Variants in OTUD4 observed in about 807,000 individuals in gnomAD.
The protein encoded by OTUD4 is OTU deubiquitinase 4, also known as OTU domain-containing protein 4.
Under a neutral mutation model 130.4 loss-of-function variants are expected in OTUD4, and 24 were observed. That is an observed-to-expected ratio of 0.18 (90% CI 0.13 to 0.26). OTUD4 has a LOEUF of 0.26. Ranked by LOEUF, OTUD4 falls within the 10% of genes least tolerant of loss-of-function variation. The pLI, the probability that OTUD4 is intolerant of heterozygous loss-of-function variation, is 1.00. For missense variants in OTUD4, 1,031 were observed against 1,329.4 expected, an observed-to-expected ratio of 0.78 and a Z score of 3.49; for synonymous variants, 420 against 472.5, an observed-to-expected ratio of 0.89 and a Z score of 1.44.
intron 11 of OTUD4, 77 bp downstream of exon 11, chr4:145,152,464 G>T: frequency 1.3e-6 from 1 of 790,924 alleles, no homozygotes; most frequent in South Asian, 1.6e-5. Context: ...TGCAAATACT[G>T]AAGGCCATTT....
chr4:145,155,375 A>G (rs1751236018), intron 10 of OTUD4, 36 bp downstream of exon 10: 1 of 1,553,550 alleles, frequency 6.4e-7, no homozygotes, highest in Non-Finnish European at 8.8e-7. Context: ...CAAAGTTTCA[A>G]GTAAAATCTC....
At chr4:145,166,615 G>A (rs543846537) in intron 3 of OTUD4, among the ~76,000 whole-genome samples, 3 of 152,248 alleles carry the variant, frequency 2.0e-5, no homozygotes, top group African/African-American at 7.2e-5. Context: ...GCCGAGACAG[G>A]CAGATCACGA....
Position 145,150,803 on chromosome 4 carries a change from A to G in OTUD4, c.1071T>C (p.Ser357=). The part of the protein sequence containing the change: ...KPSTSGQNFH[S]DVDYRGPKNP... Reference sequence around the variant, plus strand: ...AATGATAGCTTGATGTGCTCCTACCAGAATGGAAATTTTGTCCAGAAGTGG... The same window carrying G: ...AATGATAGCTTGATGTGCTCCTACCGGAATGGAAATTTTGTCCAGAAGTGG... The change falls in exon 12 of 21, where the codon TCT becomes TCC. Residue 357 remains serine (S), a splice_region_variant and synonymous_variant. Coordinates refer to ENST00000447906, the MANE Select transcript of OTUD4 (RefSeq NM_001366057.1). The G allele has an allele frequency of 1.2e-6, 2 of 1,613,084 alleles. No individual in the cohort carries two copies. The highest frequency in any genetic ancestry group is 1.1e-5 in the South Asian group (1 of 91,026).
At chr4:145,142,440 A>G (rs752069719) in intron 17 of OTUD4, 106 bp from the exon 18 acceptor site, 10 of 919,076 alleles carry the variant, frequency 1.1e-5, no homozygotes, top group Non-Finnish European at 1.7e-5. Context: ...TGCCTTTTAT[A>G]CAAATGAAGT....
At position 145,180,529 on chromosome 4, in the gene OTUD4, G is replaced by A. The variant is rs1049767654; in HGVS notation, c.-556C>T. ...GGAGCGGGTGGGGGCGCCCGGGAGAGAACAGCACCTCGCAGCCCAGAATTT... is the reference window on the plus strand; with the variant it reads ...GGAGCGGGTGGGGGCGCCCGGGAGAAAACAGCACCTCGCAGCCCAGAATTT... On this transcript the variant is annotated 5_prime_UTR_variant, in exon 1 of 21. Coordinates refer to ENST00000447906, the MANE Select transcript of OTUD4 (RefSeq NM_001366057.1). Among the ~76,000 whole-genome samples, 10 of 152,240 alleles carry A rather than the reference G, an allele frequency of 6.6e-5. No homozygotes were observed. The South Asian group carries it at 1.4e-3, about 22-fold the overall frequency.
intron 8 of OTUD4, 101 bp downstream of exon 8, chr4:145,155,835 T>C (rs1751256668): frequency 9.4e-7 from 1 of 1,062,680 alleles, no homozygotes; most frequent in Admixed American, 2.5e-5. Flanking sequence ...TGATCCTGAC[T>C]TGACTGAAAT....
At chr4:145,171,220 A>C (rs987477613) in intron 3 of OTUD4, 3 of 155,468 alleles carry the variant, frequency 1.9e-5, no homozygotes, top group Non-Finnish European at 4.2e-5. Context: ...GTAGTCCCAG[A>C]TACTCGGGAG....
rs764916675 is a variant in OTUD4 at position 145,155,913 on chromosome 4, AAAACCACT to A, written c.690+15_690+22del. On this transcript the variant is annotated intron_variant, in intron 8 of 20. Coordinates refer to ENST00000447906, the MANE Select transcript of OTUD4 (RefSeq NM_001366057.1). ...TTTCTTATATTAAAGAACTACATTT[AAAACCACT>A]TTTAAAAAAAATACCTCATTGCCTG... 6.3e-7 allele frequency: 1 copy of A among 1,575,870 alleles called. No homozygotes were observed. Among genetic ancestry groups the A allele is most frequent in the Admixed American group, 1.8e-5 (1 of 54,342 alleles).
intron 10 of OTUD4, among the ~76,000 whole-genome samples, chr4:145,154,851 G>T (rs1424927697): frequency 6.6e-6 from 1 of 151,740 alleles, no homozygotes; most frequent in Admixed American, 6.6e-5. Context: ...GGTGGGGGGC[G>T]GGGGGCAGAG....
chr4:145,136,645 C>T lies in OTUD4; in HGVS notation c.*785G>A, dbSNP rs1390346245. 2 of 152,238 alleles carry T rather than the reference C, an allele frequency of 1.3e-5. No individual in the cohort carries two copies. Among genetic ancestry groups the T allele is most frequent in the South Asian group, 2.1e-4 (1 of 4,810 alleles). The allele number at this position is 152,238 out of a possible 1,614,324, so 9.4% of individuals were successfully genotyped here. A position where few individuals can be genotyped will look rare whatever the true frequency, so the allele number is the denominator to read the frequency against. The stretch of plus-strand genomic sequence containing the variant: ...AAATGCATAGCATCTACATTTCTTT[C>T]GAGTAGGCACCATGATATTTACACC... On this transcript the variant is annotated 3_prime_UTR_variant, in exon 21 of 21. Coordinates refer to ENST00000447906, the MANE Select transcript of OTUD4 (RefSeq NM_001366057.1).
intron 5 of OTUD4, 37 bp downstream of exon 5, chr4:145,164,117 T>A (rs1419252516): frequency 9.5e-6 from 9 of 947,286 alleles, no homozygotes; most frequent in Admixed American, 2.3e-5. Context: ...GCGGTTCTTT[T>A]ACTTAAATAC....
At chr4:145,173,332 T>C (rs1373218386) in intron 2 of OTUD4, among the ~76,000 whole-genome samples, 1 of 151,938 alleles carries the variant, frequency 6.6e-6, no homozygotes, top group Non-Finnish European at 1.5e-5. Flanking sequence ...AGGCGGAGCT[T>C]GCAGTGAGCC....
chr4:145,153,733 A>C (rs753623466), intron 10 of OTUD4, among the ~76,000 whole-genome samples: 12 of 152,220 alleles, frequency 7.9e-5, no homozygotes, highest in Non-Finnish European at 1.8e-4. Context: ...ATACAGGACA[A>C]TGCTTTAAGC....
intron 14 of OTUD4, 136 bp downstream of exon 14, chr4:145,146,131 A>G (rs1750811067): frequency 6.2e-6 from 3 of 483,082 alleles, no homozygotes; most frequent in Non-Finnish European, 1.0e-5. Context: ...AATAGGAAAA[A>G]TGTGAAAAAT....
intron 6 of OTUD4, among the ~76,000 whole-genome samples, chr4:145,160,612 A>G (rs1751511254): frequency 6.6e-6 from 1 of 152,190 alleles, no homozygotes; most frequent in Non-Finnish European, 1.5e-5. Context: ...CAGGAGTTCA[A>G]GACCAGCCTG....
rs530852954 is a variant in OTUD4 at position 145,162,963 on chromosome 4, A to C, written c.415-242T>G. ...GGAAATGTTTATAGGATCACAAAAA[A>C]ATAAAAATAATATATGAAAACATGC... On this transcript the variant is annotated intron_variant, in intron 5 of 20. Transcript: ENST00000447906. Among the ~76,000 whole-genome samples, 29 of 152,374 alleles carry C rather than the reference A, an allele frequency of 1.9e-4. No individual in the cohort carries two copies. In the South Asian group the frequency reaches 3.7e-3, roughly 20 times the overall value.
rs753185524 is a variant in OTUD4, at chr4:145,137,760, G to A, written c.3015C>T (p.Val1005=). 6.2e-7 allele frequency: 1 copy of A among 1,613,986 alleles called. No homozygotes were observed. ...TATCAACAGAGTTGGCCCCAGGGCT[G>A]ACCACATCAGCAGCAGTCTTAGGAT... is the stretch of plus-strand genomic sequence containing the variant. ...VKDPKTAADV[V]SPGANSVDSR... is the part of the protein sequence containing the mutation. Residue 1005 remains valine (V), a synonymous_variant, in exon 21 of 21, where the codon GTC becomes GTT. Coordinates refer to ENST00000447906, the MANE Select transcript of OTUD4 (RefSeq NM_001366057.1).
chr4:145,146,834 A>C (rs1243000676), intron 13 of OTUD4, among the ~76,000 whole-genome samples: 1 of 152,240 alleles, frequency 6.6e-6, no homozygotes, highest in South Asian at 2.1e-4. Flanking sequence ...TTTAGGTCTC[A>C]AAAGCATTCT....
chr4:145,179,992 G>C lies in OTUD4; in HGVS notation c.-19C>G. The stretch of plus-strand genomic sequence containing the variant: ...CCTCCATGTTGCTGGTCCTGCTGCA[G>C]GCCAGGCGCGGCGAGGGCTAGCCCC... On this transcript the variant is annotated 5_prime_UTR_variant, in exon 1 of 21. Coordinates refer to ENST00000447906, the MANE Select transcript of OTUD4 (RefSeq NM_001366057.1). The C allele has an allele frequency of 2.0e-6, 3 of 1,474,178 alleles. No homozygotes were observed. Among genetic ancestry groups the C allele is most frequent in the Non-Finnish European group, 2.7e-6 (3 of 1,123,250 alleles). The allele number at this position is 1,474,178 out of a possible 1,614,324, so 91.3% of individuals were successfully genotyped here.
Sources: gnomAD v4.1 joint callset for allele counts (sites outside exome capture counted in the v4.1 genomes callset) on GRCh38, gnomAD v4.1.1 for gene constraint, MANE v1.5 for transcripts, NCBI Gene and HGNC (gene_info 2026-07-23, HGNC 2026-07-21) for gene names.